Variants in OPHN1 observed in about 807,000 individuals in gnomAD.
OPHN1 encodes oligophrenin-1.
In OPHN1, 11 loss-of-function variants were observed where a neutral mutation model predicts 60.7. The ratio of observed to expected loss-of-function variants is 0.18; its 90% CI spans 0.11 to 0.30. The LOEUF (loss-of-function observed/expected upper bound fraction) is 0.30, where lower values mean the gene tolerates loss of function less well. Ranked by LOEUF, OPHN1 falls within the 10% of genes least tolerant of loss-of-function variation. The pLI is 1.00. For missense variants in OPHN1, 449 were observed against 611.0 expected, an observed-to-expected ratio of 0.73 and a Z score of 2.80; for synonymous variants, 226 against 222.6, an observed-to-expected ratio of 1.02 and a Z score of -0.14.
chrX:68,058,055 T>A (rs972111219), intron 21 of OPHN1, among the ~76,000 whole-genome samples: 7 of 111,705 alleles, frequency 6.3e-5, no homozygotes, highest in Non-Finnish European at 1.3e-4. Context: ...GCTCGTTACA[T>A]GTGCCATGCT....
chrX:68,098,182 C>A (rs1167858497), intron 18 of OPHN1, among the ~76,000 whole-genome samples: 2 of 111,137 alleles, frequency 1.8e-5, no homozygotes, highest in African/African-American at 3.3e-5. Flanking sequence ...TTCAGGGAGA[C>A]CAGAGCCCAC....
intron 6 of OPHN1, among the ~76,000 whole-genome samples, chrX:68,229,186 C>T (rs2077713737): frequency 9.0e-6 from 1 of 111,326 alleles, no homozygotes; most frequent in Non-Finnish European, 1.9e-5. Context: ...AAGAAAATAC[C>T]TAGCAATCCA....
chrX:68,100,364 T>C (rs964948368), intron 18 of OPHN1, among the ~76,000 whole-genome samples: 6 of 111,917 alleles, frequency 5.4e-5, no homozygotes, highest in Admixed American at 9.5e-5. Context: ...GATAATATTA[T>C]TACATTATTA....
chrX:68,280,787 T>C (rs1194133813), intron 4 of OPHN1, among the ~76,000 whole-genome samples: 1 of 111,464 alleles, frequency 9.0e-6, no homozygotes, highest in East Asian at 2.8e-4. Flanking sequence ...GTCATGATGG[T>C]ACTGCCGGTC....
chrX:68,274,446 G>A (rs1341720812), intron 5 of OPHN1, among the ~76,000 whole-genome samples: 1 of 111,762 alleles, frequency 8.9e-6, no homozygotes, highest in Admixed American at 9.5e-5. Context: ...TGGCCACAAA[G>A]TCAGAGGCCA....
At chrX:68,246,085 G>A (rs1405817026) in intron 5 of OPHN1, among the ~76,000 whole-genome samples, 1 of 111,634 alleles carries the variant, frequency 9.0e-6, no homozygotes, top group African/African-American at 3.3e-5. Flanking sequence ...AATTACAGGC[G>A]TGAGCCACTG....
At chrX:68,235,490 A>G (rs1296105374) in intron 5 of OPHN1, among the ~76,000 whole-genome samples, 1 of 111,040 alleles carries the variant, frequency 9.0e-6, no homozygotes, top group Non-Finnish European at 1.9e-5. Flanking sequence ...GCTACAAGCA[A>G]TCTGTTGCTG....
intron 2 of OPHN1, among the ~76,000 whole-genome samples, chrX:68,315,510 G>A (rs1158805099): frequency 9.0e-6 from 1 of 111,570 alleles, no homozygotes; most frequent in African/African-American, 3.3e-5. Flanking sequence ...AATTATTAAA[G>A]TCTAGAAGCT....
At chrX:68,352,234 C>T (rs1465278082) in intron 2 of OPHN1, among the ~76,000 whole-genome samples, 2 of 109,204 alleles carry the variant, frequency 1.8e-5, no homozygotes, top group Non-Finnish European at 3.8e-5. Flanking sequence ...GGGGCTTAAA[C>T]TTTGGAAAAT....
chrX:68,266,045 C>T (rs1423085309), intron 5 of OPHN1, among the ~76,000 whole-genome samples: 2 of 111,513 alleles, frequency 1.8e-5, no homozygotes, highest in East Asian at 2.8e-4. Context: ...ACCAAATCTA[C>T]GTCTGATTGG....
intron 6 of OPHN1, among the ~76,000 whole-genome samples, chrX:68,219,595 G>T (rs1205749487): frequency 1.8e-5 from 2 of 111,073 alleles, no homozygotes; most frequent in Non-Finnish European, 3.8e-5. Flanking sequence ...AGACCACAGT[G>T]CAATCAAACT....
chrX:68,165,423 G>C (rs1569230216), intron 15 of OPHN1, among the ~76,000 whole-genome samples: 1 of 110,659 alleles, frequency 9.0e-6, no homozygotes, highest in Non-Finnish European at 1.9e-5. Flanking sequence ...CTGTCTCAGG[G>C]AACAGGGAGG....
intron 15 of OPHN1, among the ~76,000 whole-genome samples, chrX:68,123,212 G>T: frequency 9.0e-6 from 1 of 111,359 alleles, no homozygotes; most frequent in Middle Eastern, 4.7e-3. Flanking sequence ...TCTTACCCTA[G>T]AATAGTATAT....
At chrX:68,237,702 T>C (rs978593438) in intron 5 of OPHN1, among the ~76,000 whole-genome samples, 1 of 112,163 alleles carries the variant, frequency 8.9e-6, no homozygotes, top group African/African-American at 3.2e-5. Flanking sequence ...AATTTATTTT[T>C]ATATACTGAT....
At chrX:68,151,959 C>T (rs2077286887) in intron 15 of OPHN1, among the ~76,000 whole-genome samples, 1 of 110,761 alleles carries the variant, frequency 9.0e-6, no homozygotes, top group Non-Finnish European at 1.9e-5. Context: ...GGGAAGCAGG[C>T]GTGTCTACAT....
intron 2 of OPHN1, among the ~76,000 whole-genome samples, chrX:68,356,657 C>T (rs890293427): frequency 9.0e-6 from 1 of 111,229 alleles, no homozygotes; most frequent in African/African-American, 3.3e-5. Context: ...AAGTGATCCA[C>T]TTGCCTTGGT....
intron 18 of OPHN1, among the ~76,000 whole-genome samples, chrX:68,106,398 C>A (rs755819800): frequency 1.8e-5 from 2 of 111,137 alleles, no homozygotes; most frequent in East Asian, 5.7e-4. Context: ...TTATCTGCCT[C>A]CAGTGAACCT....
intron 15 of OPHN1, chrX:68,192,691 G>T: frequency 2.5e-6 from 1 of 399,231 alleles, no homozygotes; most frequent in South Asian, 3.8e-5. Context: ...AAGTTGTATT[G>T]CTGAGGGTTT....
chrX:68,374,897 G>A (rs1237653732), intron 2 of OPHN1, among the ~76,000 whole-genome samples: 1 of 112,019 alleles, frequency 8.9e-6, no homozygotes, highest in Admixed American at 9.5e-5. Flanking sequence ...TTATGGAAAA[G>A]CAAACTAACA....
Sources: gnomAD v4.1 joint callset for allele counts (sites outside exome capture counted in the v4.1 genomes callset) on GRCh38, gnomAD v4.1.1 for gene constraint, MANE v1.5 for transcripts, NCBI Gene and HGNC (gene_info 2026-07-23, HGNC 2026-07-21) for gene names.